The following PCDH11X variants were observed in gnomAD, a reference collection of about 807,000 sequenced individuals.
PCDH11X encodes protocadherin 11 X-linked.
Under a neutral mutation model 53.3 loss-of-function variants are expected in PCDH11X, and 18 were observed. The ratio of observed to expected loss-of-function variants is 0.34; its 90% CI spans 0.23 to 0.50. PCDH11X has a LOEUF of 0.50. Among genes scored for constraint, PCDH11X ranks in the 20% least tolerant of loss-of-function variants. The pLI, the probability that PCDH11X is intolerant of heterozygous loss-of-function variation, is 0.98. For missense variants in PCDH11X, 570 were observed against 1,032.4 expected (o/e 0.55, Z 6.14); for synonymous variants, 279 against 393.3 (o/e 0.71, Z 3.44).
At chrX:92,284,841 G>A (rs1195578760) in intron 8 of PCDH11X, among the ~76,000 whole-genome samples, 2 of 111,589 alleles carry the variant, frequency 1.8e-5, no homozygotes, top group Non-Finnish European at 3.8e-5. Context: ...TCTAGGGTCT[G>A]GTACATAAAA....
At chrX:92,005,467 G>T (rs2062583513) in intron 6 of PCDH11X, among the ~76,000 whole-genome samples, 1 of 111,530 alleles carries the variant, frequency 9.0e-6, no homozygotes, top group African/African-American at 3.3e-5. Flanking sequence ...CAAGCAAAAA[G>T]AAAGAAAACA....
intron 6 of PCDH11X, among the ~76,000 whole-genome samples, chrX:92,182,954 A>G (rs5942146): frequency 0.51 from 55,652 of 110,130 alleles, 10,621 homozygotes; most frequent in Non-Finnish European, 0.6. Flanking sequence ...TCAACTCTTG[A>G]TTCCCTACCT....
rs1253269641 is a variant in PCDH11X at position 92,504,559 on chromosome X, T to C, written c.3367+36237T>C. On this transcript the variant is annotated intron_variant, in intron 10 of 10. Coordinates refer to ENST00000682573, the MANE Select transcript of PCDH11X (RefSeq NM_032968.5). ...ATCCAGTCAACCATGGATGAACATT[T>C]AGGTTGATTCCATGTCTTGGTTATT... Among the ~76,000 whole-genome samples, 3 of 111,611 alleles carry C rather than the reference T, an allele frequency of 2.7e-5. No individual in the cohort carries two copies. The East Asian group carries it at 8.5e-4, about 32-fold the overall frequency.
chrX:92,600,441 T>A (rs1343935894), intron 10 of PCDH11X, among the ~76,000 whole-genome samples: 1 of 111,217 alleles, frequency 9.0e-6, no homozygotes, highest in African/African-American at 3.3e-5. Flanking sequence ...CCTCAAGCCA[T>A]TGTTTCAGAG....
intron 10 of PCDH11X, among the ~76,000 whole-genome samples, chrX:92,486,880 T>C (rs1415330991): frequency 9.3e-6 from 1 of 107,554 alleles, no homozygotes. Flanking sequence ...TTAGAGATAA[T>C]GTATTGCACT....
chrX:92,220,923 A>C (rs902354169), intron 7 of PCDH11X, among the ~76,000 whole-genome samples: 6 of 106,457 alleles, frequency 5.6e-5, no homozygotes, highest in Non-Finnish European at 9.7e-5. Flanking sequence ...ATTGGAAATC[A>C]TCATTCTCAG....
At chrX:91,808,229 G>A (rs1447047255) in intron 1 of PCDH11X, among the ~76,000 whole-genome samples, 1 of 106,888 alleles carries the variant, frequency 9.4e-6, no homozygotes, top group Non-Finnish European at 1.9e-5. Flanking sequence ...GGGTGCAGTG[G>A]CTCATGCTTG....
At chrX:92,168,569 A>C (rs1485362866) in intron 6 of PCDH11X, among the ~76,000 whole-genome samples, 2 of 110,427 alleles carry the variant, frequency 1.8e-5, no homozygotes, top group African/African-American at 3.3e-5. Context: ...ACAAAACACG[A>C]AAAACCCCCA....
intron 9 of PCDH11X, among the ~76,000 whole-genome samples, chrX:92,433,263 G>T (rs376889029): frequency 9.0e-6 from 1 of 111,201 alleles, no homozygotes; most frequent in Non-Finnish European, 1.9e-5. Flanking sequence ...CCTGCATTGA[G>T]CCTGACCCAG....
intron 6 of PCDH11X, among the ~76,000 whole-genome samples, chrX:92,101,516 A>C (rs1249795914): frequency 2.7e-5 from 3 of 111,315 alleles, no homozygotes; most frequent in Admixed American, 1.9e-4. Flanking sequence ...TAAAGGTTTC[A>C]CTGAATACTA....
At chrX:92,516,370 C>G (rs1217827673) in intron 10 of PCDH11X, among the ~76,000 whole-genome samples, 2 of 112,095 alleles carry the variant, frequency 1.8e-5, no homozygotes, top group Non-Finnish European at 3.8e-5. Flanking sequence ...CTGGTGAACC[C>G]TTGGGGAAAT....
chrX:92,473,591 A>G (rs1457573496), intron 10 of PCDH11X, among the ~76,000 whole-genome samples: 2 of 111,368 alleles, frequency 1.8e-5, no homozygotes, highest in African/African-American at 6.5e-5. Context: ...TACAGCTATA[A>G]ACTTCCCTGT....
intron 9 of PCDH11X, among the ~76,000 whole-genome samples, chrX:92,395,946 T>TA (rs200479671): frequency 0.16 from 17,467 of 108,816 alleles, 1,972 homozygotes; most frequent in East Asian, 0.74. Flanking sequence ...TGAGGCCCTT[T>TA]TTTTTTTTAA....
At chrX:91,821,313 T>G (rs1478835413) in intron 4 of PCDH11X, among the ~76,000 whole-genome samples, 11 of 108,830 alleles carry the variant, frequency 1.0e-4, no homozygotes, top group Non-Finnish European at 1.9e-4. Context: ...GAGCATGGAA[T>G]GTTCTTCCAT....
chrX:91,884,208 A>G (rs1023766509), intron 6 of PCDH11X, among the ~76,000 whole-genome samples: 22 of 109,218 alleles, frequency 2.0e-4, no homozygotes, highest in Admixed American at 2.9e-4. Flanking sequence ...AAAAAAAAAA[A>G]AAAAGAAAAA....
intron 7 of PCDH11X, among the ~76,000 whole-genome samples, chrX:92,258,632 G>T (rs2067649544): frequency 9.0e-6 from 1 of 111,542 alleles, no homozygotes; most frequent in African/African-American, 3.3e-5. Flanking sequence ...CTCCCAAAGT[G>T]CTGGGATTAC....
At chrX:92,541,600 A>G (rs183399077) in intron 10 of PCDH11X, among the ~76,000 whole-genome samples, 1,478 of 110,460 alleles carry the variant, frequency 0.013, 30 homozygotes, top group African/African-American at 0.047. Flanking sequence ...GGGGACAAAT[A>G]GTGTAGGCTT....
At chrX:92,277,825 C>T (rs1412551569) in intron 8 of PCDH11X, among the ~76,000 whole-genome samples, 3 of 110,445 alleles carry the variant, frequency 2.7e-5, no homozygotes, top group African/African-American at 9.9e-5. Context: ...GGGTACTTGC[C>T]CCTCCCCCAG....
At chrX:92,047,828 A>G (rs1288499093) in intron 6 of PCDH11X, among the ~76,000 whole-genome samples, 1 of 108,418 alleles carries the variant, frequency 9.2e-6, no homozygotes, top group African/African-American at 3.4e-5. Context: ...CCCCAGAAAA[A>G]AAGCAAGCCT....
Sources: allele counts gnomAD v4.1 joint callset (sites outside exome capture counted in the v4.1 genomes callset), GRCh38; gene constraint gnomAD v4.1.1; transcripts MANE v1.5; gene names NCBI Gene and HGNC (gene_info 2026-07-23, HGNC 2026-07-21).